FAAH2: variants seen among roughly 807,000 people sequenced by gnomAD.
FAAH2 encodes fatty-acid amide hydrolase 2.
Under a neutral mutation model 36.9 loss-of-function variants are expected in FAAH2, and 60 were observed. That is an observed-to-expected ratio of 1.63 (90% confidence interval 1.32 to 2.02). FAAH2 has a LOEUF of 2.02. Ranked by LOEUF, FAAH2 falls within the 30% of genes most tolerant of loss-of-function variation. FAAH2 has a pLI of 0.00. For missense variants in FAAH2, 689 were observed against 397.5 expected (o/e 1.73, Z -6.23); for synonymous variants, 214 against 143.8 (o/e 1.49, Z -3.49).
chrX:57,183,196 A>G, the FAAH2 span, among the ~76,000 whole-genome samples: 1 of 111,435 alleles, frequency 9.0e-6, no homozygotes, highest in Non-Finnish European at 1.9e-5. Context: ...CCTGCATATC[A>G]AACCCTGAGC....
intron 8 of FAAH2, among the ~76,000 whole-genome samples, chrX:57,440,681 G>C (rs985030421): frequency 4.5e-5 from 5 of 111,667 alleles, no homozygotes; most frequent in South Asian, 3.7e-4. Context: ...TCTTGTGCCA[G>C]TTTTCAAAGG....
chrX:57,438,944 T>G (rs2056480964), intron 8 of FAAH2, among the ~76,000 whole-genome samples: 1 of 110,901 alleles, frequency 9.0e-6, no homozygotes, highest in Non-Finnish European at 1.9e-5. Flanking sequence ...TCATTTTTTA[T>G]GGCTGCATAG....
At chrX:57,122,664 A>G in the FAAH2 span, among the ~76,000 whole-genome samples, 1 of 112,393 alleles carries the variant, frequency 8.9e-6, no homozygotes, top group Non-Finnish European at 1.9e-5. Context: ...AAAATTGAAC[A>G]GAAAGCAAAT....
intron 7 of FAAH2, among the ~76,000 whole-genome samples, chrX:57,424,188 CTCCAGTCAG>C (rs2056104965): frequency 1.8e-5 from 2 of 112,223 alleles, no homozygotes; most frequent in Non-Finnish European, 3.8e-5. Flanking sequence ...TCCCCTGCTA[CTCCAGTCAG>C]TCCTTTTTTT....
chrX:57,240,608 A>T, the FAAH2 span, among the ~76,000 whole-genome samples: 1 of 112,212 alleles, frequency 8.9e-6, no homozygotes, highest in Non-Finnish European at 1.9e-5. Flanking sequence ...GGCAGAGTGC[A>T]GTGGGGTCTG....
chrX:57,413,235 C>A (rs778000074), intron 7 of FAAH2, among the ~76,000 whole-genome samples: 7 of 112,087 alleles, frequency 6.2e-5, no homozygotes, highest in Non-Finnish European at 1.1e-4. Context: ...AATTAGATTC[C>A]ATTTGTCAAT....
At chrX:57,382,115 C>A (rs982430259) in intron 7 of FAAH2, among the ~76,000 whole-genome samples, 1 of 111,507 alleles carries the variant, frequency 9.0e-6, no homozygotes, top group Admixed American at 9.5e-5. Context: ...AAAAGATGTT[C>A]TTTGAAACCA....
At chrX:57,485,584 T>C (rs1038671015) in intron 10 of FAAH2, among the ~76,000 whole-genome samples, 4 of 111,999 alleles carry the variant, frequency 3.6e-5, no homozygotes, top group Admixed American at 9.5e-5. Context: ...TAAACATTGG[T>C]TATTTTGATA....
chrX:57,468,413 G>A lies in FAAH2; in HGVS notation c.1423+19695G>A, dbSNP rs1008718646. ...AGAGAAGTCCTTAAATGACCTGATG[G>A]AGCTGAAAACCATGGCATGAGAATG... On this transcript the variant is annotated intron_variant, in intron 10 of 10. Transcript: ENST00000374900. Among the ~76,000 whole-genome samples the A allele has an allele frequency of 3.6e-5, 4 of 111,883 alleles. No homozygotes were observed. In the Admixed American group the frequency reaches 3.8e-4, roughly 11 times the overall value.
chrX:57,473,930 A>G lies in FAAH2; in HGVS notation c.1424-14827A>G, dbSNP rs920126435. On this transcript the variant is annotated intron_variant, in intron 10 of 10. Transcript: ENST00000374900. Reference sequence around the variant, plus strand: ...TGGCCAGTAGGTGGGTCTCTTGTAGACTGCAGATGGTTGGGTCTTATTTTG... The same window carrying G: ...TGGCCAGTAGGTGGGTCTCTTGTAGGCTGCAGATGGTTGGGTCTTATTTTG... 9.0e-5 allele frequency among the ~76,000 whole-genome samples: 10 copies of G among 111,129 alleles called. No homozygotes were observed. In the Admixed American group the frequency reaches 9.6e-4, roughly 11 times the overall value.
At chrX:57,222,590 A>T in the FAAH2 span, among the ~76,000 whole-genome samples, 18 of 111,106 alleles carry the variant, frequency 1.6e-4, no homozygotes, top group African/African-American at 5.6e-4. Context: ...TTCAACCCAT[A>T]ACATCAAAAA....
At chrX:57,367,969 G>T (rs772073194) in intron 5 of FAAH2, among the ~76,000 whole-genome samples, 122 of 111,837 alleles carry the variant, frequency 1.1e-3, no homozygotes, top group Non-Finnish European at 1.7e-3. Context: ...GCTATATTGT[G>T]TCTTGCTCAT....
At chrX:57,419,861 G>A (rs778382540) in intron 7 of FAAH2, among the ~76,000 whole-genome samples, 41 of 111,783 alleles carry the variant, frequency 3.7e-4, no homozygotes, top group African/African-American at 1.3e-3. Flanking sequence ...GGTCTAACAT[G>A]TAAGTCTTTA....
chrX:57,148,325 G>A, the FAAH2 span, among the ~76,000 whole-genome samples: 4 of 111,516 alleles, frequency 3.6e-5, no homozygotes, highest in Non-Finnish European at 5.7e-5. Flanking sequence ...TGATGGGGAT[G>A]GCATTGAATC....
chrX:57,418,182 C>T (rs972754521), intron 7 of FAAH2, among the ~76,000 whole-genome samples: 9 of 111,764 alleles, frequency 8.1e-5, no homozygotes, highest in East Asian at 2.8e-4. Flanking sequence ...GGGTGGAATT[C>T]GGTGAGCTAG....
At chrX:57,291,799 T>C (rs2051992899) in intron 1 of FAAH2, among the ~76,000 whole-genome samples, 1 of 111,039 alleles carries the variant, frequency 9.0e-6, no homozygotes, top group Non-Finnish European at 1.9e-5. Flanking sequence ...ATTATAATCC[T>C]GTAGCACCCA....
chrX:57,173,743 T>C, the FAAH2 span, among the ~76,000 whole-genome samples: 1 of 111,956 alleles, frequency 8.9e-6, no homozygotes, highest in Non-Finnish European at 1.9e-5. Context: ...GTATATTTCT[T>C]ATATGGCTAG....
Position 57,411,672 on chromosome X carries a change from C to T in FAAH2, c.997-20246C>T, listed in dbSNP as rs1050330185. 1.8e-4 allele frequency among the ~76,000 whole-genome samples: 20 copies of T among 111,564 alleles called. No homozygotes were observed. In the Admixed American group the frequency reaches 1.8e-3, roughly 10 times the overall value. The stretch of plus-strand genomic sequence containing the variant: ...GCAAGAGAGAAGGTCATCTCCTGGG[C>T]AGTATTCTGCATGGCCGGGGAAGCT... On this transcript the variant is annotated intron_variant, in intron 7 of 10. Transcript: ENST00000374900.
chrX:57,134,825 G>A, the FAAH2 span: 1 of 111,427 alleles, frequency 9.0e-6, no homozygotes, highest in Admixed American at 9.5e-5. Flanking sequence ...TGAGCATTGG[G>A]TTTCTGCTGG....
Sources: gnomAD v4.1 joint callset for allele counts (sites outside exome capture counted in the v4.1 genomes callset) on GRCh38, gnomAD v4.1.1 for gene constraint, MANE v1.5 for transcripts, NCBI Gene and HGNC (gene_info 2026-07-23, HGNC 2026-07-21) for gene names.